Variants in CAST observed in about 807,000 individuals in gnomAD.
CAST encodes the protein calpastatin.
A neutral mutation model predicts 119.6 loss-of-function variants in CAST; 76 were observed. That is an observed-to-expected ratio of 0.64 (90% CI 0.53 to 0.77). The LOEUF (loss-of-function observed/expected upper bound fraction) is 0.77. Ranked by LOEUF, CAST falls within the 30% of genes least tolerant of loss-of-function variation. CAST has a pLI of 0.00. For missense variants in CAST, 953 were observed against 946.5 expected, an observed-to-expected ratio of 1.01 and a Z score of -0.09; for synonymous variants, 319 against 331.6, an observed-to-expected ratio of 0.96 and a Z score of 0.41.
chr5:96,388,393 T>G, the CAST span, among the ~76,000 whole-genome samples: 1 of 152,218 alleles, frequency 6.6e-6, no homozygotes, highest in Non-Finnish European at 1.5e-5. Context: ...TATACATCTG[T>G]TCTGGAAACC....
At chr5:96,413,021 G>A in the CAST span, 1 of 905,574 alleles carries the variant, frequency 1.1e-6, no homozygotes, top group Non-Finnish European at 1.3e-6. Flanking sequence ...CAAGGACTCT[G>A]GACAGGAAAC....
chr5:96,677,735 C>G (rs772060539), intron 2 of CAST, among the ~76,000 whole-genome samples: 2 of 152,210 alleles, frequency 1.3e-5, no homozygotes, highest in Non-Finnish European at 2.9e-5. Flanking sequence ...AGACTTTGCT[C>G]TGTCCCCATG....
intron 6 of CAST, chr5:96,728,239 C>T (rs926565044): frequency 6.6e-6 from 1 of 152,302 alleles, no homozygotes; most frequent in African/African-American, 2.4e-5. Context: ...GTACTTCAGG[C>T]ACAGGTGAGG....
chr5:96,416,177 G>T, the CAST span: 1 of 1,189,302 alleles, frequency 8.4e-7, no homozygotes, highest in Non-Finnish European at 1.3e-6. Flanking sequence ...CATTTGTTTT[G>T]CATATGAATG....
chr5:96,219,895 C>T, the CAST span, among the ~76,000 whole-genome samples: 1 of 152,146 alleles, frequency 6.6e-6, no homozygotes, highest in Admixed American at 6.5e-5. Context: ...ACAGAAGACC[C>T]CACTCTGTCT....
chr5:96,099,340 G>A, the CAST span, among the ~76,000 whole-genome samples: 3 of 152,108 alleles, frequency 2.0e-5, no homozygotes, highest in Non-Finnish European at 4.4e-5. Context: ...TGACTCCTCT[G>A]GCCAGGACTT....
chr5:96,753,994 T>A, intron 20 of CAST, 66 bp from the exon 21 acceptor site: 1 of 882,574 alleles, frequency 1.1e-6, no homozygotes, highest in Non-Finnish European at 1.9e-6. Context: ...CTTTCTGAAT[T>A]GATAGCATAT....
At chr5:96,051,686 G>A in the CAST span, among the ~76,000 whole-genome samples, 1 of 152,088 alleles carries the variant, frequency 6.6e-6, no homozygotes. Context: ...TTAGTGTGAT[G>A]GCAGCCAGAT....
the CAST span, among the ~76,000 whole-genome samples, chr5:95,975,662 T>C: frequency 6.6e-6 from 1 of 152,194 alleles, no homozygotes; most frequent in Admixed American, 6.5e-5. Flanking sequence ...AGATATAACA[T>C]GCAGTGAGCA....
intron 1 of CAST, among the ~76,000 whole-genome samples, chr5:96,610,653 T>A (rs529228298): frequency 2.6e-5 from 4 of 152,148 alleles, no homozygotes; most frequent in Admixed American, 2.6e-4. Flanking sequence ...AACACAGTAC[T>A]AAAAGTCCTA....
chr5:96,180,796 A>G, the CAST span, among the ~76,000 whole-genome samples: 1 of 152,232 alleles, frequency 6.6e-6, no homozygotes, highest in South Asian at 2.1e-4. Flanking sequence ...TGATTTCTTC[A>G]TGTAAACAGT....
the CAST span, among the ~76,000 whole-genome samples, chr5:96,404,129 T>G: frequency 6.6e-6 from 1 of 152,200 alleles, no homozygotes; most frequent in East Asian, 1.9e-4. Context: ...CTTAGTATAT[T>G]TATCTCCAAG....
At chr5:96,058,921 A>G in the CAST span, among the ~76,000 whole-genome samples, 1 of 152,170 alleles carries the variant, frequency 6.6e-6, no homozygotes, top group Non-Finnish European at 1.5e-5. Flanking sequence ...TAAGAGTAGC[A>G]TATCCCCAGA....
chr5:96,044,934 G>T, the CAST span, among the ~76,000 whole-genome samples: 1 of 152,196 alleles, frequency 6.6e-6, no homozygotes, highest in Non-Finnish European at 1.5e-5. Context: ...TATAATCATA[G>T]AAGTCAAGAG....
chr5:96,449,769 G>C, the CAST span, among the ~76,000 whole-genome samples: 3 of 55,258 alleles, frequency 5.4e-5, no homozygotes, highest in African/African-American at 3.7e-4. Flanking sequence ...TCCACAGCCT[G>C]CTGGCCTCCT....
At chr5:96,735,501 T>C (rs1761444541) in intron 9 of CAST, among the ~76,000 whole-genome samples, 1 of 152,160 alleles carries the variant, frequency 6.6e-6, no homozygotes, top group Non-Finnish European at 1.5e-5. Flanking sequence ...GCAGAGTGTA[T>C]ACAGTGGGGA....
At chr5:96,729,254 G>C in intron 7 of CAST, 45 bp downstream of exon 7, 2 of 1,023,234 alleles carry the variant, frequency 2.0e-6, no homozygotes. Context: ...AACCTCTTTT[G>C]GTGGGATATA....
At chr5:96,133,171 G>T in the CAST span, among the ~76,000 whole-genome samples, 1 of 152,028 alleles carries the variant, frequency 6.6e-6, no homozygotes, top group African/African-American at 2.4e-5. Context: ...GAATAAAGTA[G>T]AAAAGAATAA....
At chr5:96,268,921 T>TGTTCTCGTGAGAGTGAGTGA in the CAST span, among the ~76,000 whole-genome samples, 3 of 152,180 alleles carry the variant, frequency 2.0e-5, no homozygotes. Flanking sequence ...CCCCCAATGC[T>TGTTCTCGTGAGAGTGAGTGA]GTTCTCGTGA....
Sources: gnomAD v4.1 joint callset for allele counts (sites outside exome capture counted in the v4.1 genomes callset) on GRCh38, gnomAD v4.1.1 for gene constraint, MANE v1.5 for transcripts, NCBI Gene and HGNC (gene_info 2026-07-23, HGNC 2026-07-21) for gene names.